The following CRY1 variants were observed in gnomAD, a reference collection of about 807,000 sequenced individuals.
The protein encoded by CRY1 is cryptochrome circadian regulator 1.
Under a neutral mutation model 76.0 loss-of-function variants are expected in CRY1, and 45 were observed. The ratio of observed to expected loss-of-function variants is 0.59; its 90% CI spans 0.47 to 0.76. CRY1 has a LOEUF of 0.76. Among genes scored for constraint, CRY1 ranks in the 30% least tolerant of loss-of-function variants. The pLI is 0.00. For missense variants in CRY1, 587 were observed against 716.4 expected (o/e 0.82, Z 2.06); for synonymous variants, 248 against 244.0 (o/e 1.02, Z -0.15).
Position 107,001,957 on chromosome 12 carries a change from A to G in CRY1, c.411-9T>C, listed in dbSNP as rs770785717. The stretch of plus-strand genomic sequence containing the variant: ...CATTGAGTTCTATGATCCTATAACA[A>G]GAGTTAGTAAAATGTAGTTAGTATT... On this transcript the variant is annotated splice_polypyrimidine_tract_variant and intron_variant, in intron 3 of 12. Transcript: ENST00000008527. 3 of 1,562,346 alleles carry G rather than the reference A, an allele frequency of 1.9e-6. No homozygotes were observed. The highest frequency in any genetic ancestry group is 8.6e-7 in the Non-Finnish European group (1 of 1,164,082).
At chr12:107,050,276 A>T (rs564223306) in intron 1 of CRY1, 4 of 152,302 alleles carry the variant, frequency 2.6e-5, no homozygotes, top group African/African-American at 9.6e-5. Context: ...AGCACCAAAA[A>T]AGGAAGGGAG....
chr12:107,048,699 T>G (rs574937231), intron 1 of CRY1, among the ~76,000 whole-genome samples: 3 of 152,354 alleles, frequency 2.0e-5, no homozygotes, highest in Admixed American at 1.3e-4. Context: ...TCTAATCTTC[T>G]GATAAACCTA....
intron 1 of CRY1, among the ~76,000 whole-genome samples, chr12:107,086,599 G>A (rs1953404551): frequency 1.3e-5 from 2 of 152,194 alleles, no homozygotes; most frequent in Admixed American, 1.3e-4. Flanking sequence ...GCTGCAGCCA[G>A]GGCTCAAAAG....
chr12:107,060,486 T>G (rs886189322), intron 1 of CRY1, among the ~76,000 whole-genome samples: 3 of 152,222 alleles, frequency 2.0e-5, no homozygotes, highest in African/African-American at 7.2e-5. Context: ...AATATATTTT[T>G]GTTCATTAAA....
At chr12:107,079,215 A>G (rs1249304051) in intron 1 of CRY1, among the ~76,000 whole-genome samples, 1 of 152,014 alleles carries the variant, frequency 6.6e-6, no homozygotes, top group Admixed American at 6.6e-5. Context: ...ACAATCATAA[A>G]CTCATGATGA....
chr12:107,048,931 T>C (rs1356374417), intron 1 of CRY1, among the ~76,000 whole-genome samples: 1 of 152,218 alleles, frequency 6.6e-6, no homozygotes, highest in African/African-American at 2.4e-5. Flanking sequence ...TCTTTCAAAA[T>C]GCCTGGTTAT....
At chr12:106,998,308 C>T (rs1952256731) in intron 7 of CRY1, among the ~76,000 whole-genome samples, 1 of 151,954 alleles carries the variant, frequency 6.6e-6, no homozygotes, top group South Asian at 2.1e-4. Context: ...TGCAGTGTTA[C>T]TGGGAGAATG....
chr12:106,993,379 G>A (rs1450170685), intron 10 of CRY1, among the ~76,000 whole-genome samples: 4 of 151,514 alleles, frequency 2.6e-5, no homozygotes, highest in African/African-American at 4.9e-5. Context: ...CTTTTCCCAC[G>A]CTTTTCCTTC....
At chr12:107,025,082 T>C (rs1052700554) in intron 1 of CRY1, among the ~76,000 whole-genome samples, 21 of 152,348 alleles carry the variant, frequency 1.4e-4, no homozygotes, top group African/African-American at 4.8e-4. Flanking sequence ...CATCTACTTT[T>C]GTTTATATGT....
chr12:107,004,815 G>T (rs1952351769), intron 3 of CRY1, among the ~76,000 whole-genome samples: 1 of 152,172 alleles, frequency 6.6e-6, no homozygotes, highest in Non-Finnish European at 1.5e-5. Context: ...GCTGAGTTAA[G>T]AGTAGTCAAG....
chr12:107,041,558 T>A (rs1040933439), intron 1 of CRY1, among the ~76,000 whole-genome samples: 1 of 152,214 alleles, frequency 6.6e-6, no homozygotes, highest in African/African-American at 2.4e-5. Context: ...ATAGGACTTT[T>A]ACTATTCCAT....
intron 1 of CRY1, among the ~76,000 whole-genome samples, chr12:107,023,393 A>G (rs960958291): frequency 6.6e-6 from 1 of 152,242 alleles, no homozygotes; most frequent in African/African-American, 2.4e-5. Flanking sequence ...CCACATGTAT[A>G]GCTGGTGGCT....
intron 1 of CRY1, among the ~76,000 whole-genome samples, chr12:107,053,357 C>G (rs973820049): frequency 6.6e-6 from 1 of 152,028 alleles, no homozygotes; most frequent in African/African-American, 2.4e-5. Context: ...ACTCTTGCTG[C>G]CCAGGCTGGA....
intron 1 of CRY1, among the ~76,000 whole-genome samples, chr12:107,051,064 C>A (rs1446776585): frequency 6.6e-6 from 1 of 152,124 alleles, no homozygotes; most frequent in Non-Finnish European, 1.5e-5. Context: ...GGTGGAGAAA[C>A]AGTTTAAAAA....
intron 2 of CRY1, among the ~76,000 whole-genome samples, chr12:107,008,980 T>C (rs1382818433): frequency 6.6e-6 from 1 of 152,220 alleles, no homozygotes; most frequent in Non-Finnish European, 1.5e-5. Context: ...CTTTCCTTTA[T>C]AAATTACCCA....
At chr12:107,075,007 C>T (rs1442399276) in intron 1 of CRY1, among the ~76,000 whole-genome samples, 2 of 138,896 alleles carry the variant, frequency 1.4e-5, no homozygotes, top group African/African-American at 2.6e-5. Context: ...AAGAGTGAAA[C>T]TCTGTCTCAA....
At position 107,093,123 on chromosome 12, in the gene CRY1, G is replaced by T; in HGVS notation, c.-162C>A. 1 of 856,760 alleles carries T rather than the reference G, an allele frequency of 1.2e-6. No individual in the cohort carries two copies. The highest frequency in any genetic ancestry group is 1.7e-6 in the Non-Finnish European group (1 of 589,354). The allele number at this position is 856,760 out of a possible 1,614,324, so 53.1% of individuals were successfully genotyped here. A position where few individuals can be genotyped will look rare whatever the true frequency, so the allele number is the denominator to read the frequency against. On this transcript the variant is annotated 5_prime_UTR_variant, in exon 1 of 13. Transcript: ENST00000008527. ...TGACTCCGAGGAGGGGACCGGAGAAGGCGGGGGCGCCGGAGGCGCAGTGGA... is the reference window on the plus strand; with the variant it reads ...TGACTCCGAGGAGGGGACCGGAGAATGCGGGGGCGCCGGAGGCGCAGTGGA...
At chr12:107,035,135 C>G (rs947232271) in intron 1 of CRY1, among the ~76,000 whole-genome samples, 6 of 152,112 alleles carry the variant, frequency 3.9e-5, no homozygotes, top group African/African-American at 1.2e-4. Flanking sequence ...GTCTAACAGC[C>G]CTATTTCAAA....
chr12:107,041,541 T>C (rs1008560263), intron 1 of CRY1, among the ~76,000 whole-genome samples: 10 of 152,180 alleles, frequency 6.6e-5, no homozygotes, highest in African/African-American at 1.4e-4. Context: ...ATAACAGTAT[T>C]TGAAATATAG....
Sources: allele counts gnomAD v4.1 joint callset (sites outside exome capture counted in the v4.1 genomes callset), GRCh38; gene constraint gnomAD v4.1.1; transcripts MANE v1.5; gene names NCBI Gene and HGNC (gene_info 2026-07-23, HGNC 2026-07-21).